The following OTUD7A variants were observed in gnomAD, a reference collection of about 807,000 sequenced individuals.
The protein encoded by OTUD7A is OTU domain-containing protein 7A.
A neutral mutation model predicts 65.7 loss-of-function variants in OTUD7A; 12 were observed. That is an observed-to-expected ratio of 0.18 (90% confidence interval 0.12 to 0.30). OTUD7A has a LOEUF of 0.30. OTUD7A is among the 10% of genes least tolerant of loss of function. The pLI, the probability that OTUD7A is intolerant of heterozygous loss-of-function variation, is 1.00. For synonymous variants in OTUD7A, 641 were observed against 586.3 expected, an observed-to-expected ratio of 1.09 and a Z score of -1.35; for missense variants, 1,148 against 1,304.8, an observed-to-expected ratio of 0.88 and a Z score of 1.85.
In OTUD7A at chr15:31,535,176, G is replaced by A. The variant is rs576999571; in HGVS notation, c.551-4368C>T. ...CCCAAATCTCATCTTGAATTGTAAT[G>A]CCCAGGTGTCAAGGGAAGGACCTGG... On this transcript the variant is annotated intron_variant, in intron 5 of 12. Transcript: ENST00000307050. Among the ~76,000 whole-genome samples, 4 of 152,308 alleles carry A rather than the reference G, an allele frequency of 2.6e-5. No homozygotes were observed. The East Asian group carries it at 7.7e-4, about 29-fold the overall frequency.
In OTUD7A at chr15:31,670,922, G is replaced by A. The variant is rs1198267487; in HGVS notation, c.-99-13845C>T. Among the ~76,000 whole-genome samples, 3 of 152,008 alleles carry A rather than the reference G, an allele frequency of 2.0e-5. No homozygotes were observed. In the East Asian group the frequency reaches 5.8e-4, roughly 29 times the overall value. ...AGACAGGAGAATGGCATGAACCCGG[G>A]AGGCGGAGCTTGCAGTGAGCCGAGA... On this transcript the variant is annotated intron_variant, in intron 1 of 12. Coordinates refer to ENST00000307050, the MANE Select transcript of OTUD7A (RefSeq NM_001382637.1).
intron 1 of OTUD7A, among the ~76,000 whole-genome samples, chr15:31,803,282 G>A (rs1239488393): frequency 6.6e-6 from 1 of 152,076 alleles, no homozygotes; most frequent in African/African-American, 2.4e-5. Flanking sequence ...ACATCTTGCC[G>A]TATCAATCTA....
chr15:31,868,701 C>T (rs1476072380), intron 1 of OTUD7A, among the ~76,000 whole-genome samples: 1 of 152,190 alleles, frequency 6.6e-6, no homozygotes, highest in Non-Finnish European at 1.5e-5. Context: ...CTCCACCAAG[C>T]TTGGGGGCCT....
intron 3 of OTUD7A, among the ~76,000 whole-genome samples, chr15:31,610,117 C>A (rs60697903): frequency 0.032 from 4,799 of 152,282 alleles, 247 homozygotes; most frequent in African/African-American, 0.11. Context: ...AGAAAATCAG[C>A]TCTGCTAATG....
chr15:31,585,410 G>A lies in OTUD7A; in HGVS notation c.152-15213C>T, dbSNP rs141131581. Reference sequence around the variant, plus strand: ...AACAGACAGCTTCTGGCCCAGCTCTGGGGAATCTCATCCTCAGCAGCCCAG... The same window carrying A: ...AACAGACAGCTTCTGGCCCAGCTCTAGGGAATCTCATCCTCAGCAGCCCAG... On this transcript the variant is annotated intron_variant, in intron 3 of 12. Coordinates refer to ENST00000307050, the MANE Select transcript of OTUD7A (RefSeq NM_001382637.1). 2.7e-3 allele frequency among the ~76,000 whole-genome samples: 413 copies of A among 152,354 alleles called. 1 individual carries two copies. Among genetic ancestry groups the A allele is most frequent in the Non-Finnish European group, 4.7e-3 (319 of 68,038 alleles).
At chr15:31,650,153 C>A (rs1891795815) in intron 3 of OTUD7A, among the ~76,000 whole-genome samples, 1 of 94,780 alleles carries the variant, frequency 1.1e-5, no homozygotes, top group South Asian at 3.5e-4. Flanking sequence ...GCCAGGCAAA[C>A]TTCCTTTCCA....
intron 3 of OTUD7A, among the ~76,000 whole-genome samples, chr15:31,574,658 T>C (rs1889152000): frequency 6.6e-6 from 1 of 152,220 alleles, no homozygotes. Context: ...AGTATATTAA[T>C]CATGTTTTTT....
intron 1 of OTUD7A, among the ~76,000 whole-genome samples, chr15:31,728,609 C>T (rs1319122703): frequency 1.3e-5 from 2 of 152,222 alleles, no homozygotes; most frequent in Non-Finnish European, 2.9e-5. Flanking sequence ...CTCTCAGGAT[C>T]GTTCCTCCTT....
intron 5 of OTUD7A, among the ~76,000 whole-genome samples, chr15:31,543,683 C>T (rs1464429653): frequency 1.3e-5 from 2 of 151,920 alleles, no homozygotes; most frequent in African/African-American, 4.8e-5. Context: ...TGTTCAACTG[C>T]TCAATTCATG....
At chr15:31,659,753 C>T (rs1381457911) in intron 1 of OTUD7A, among the ~76,000 whole-genome samples, 2 of 152,188 alleles carry the variant, frequency 1.3e-5, no homozygotes, top group African/African-American at 2.4e-5. Context: ...GCGAGGGCCA[C>T]GGGAAGGGGC....
intron 1 of OTUD7A, among the ~76,000 whole-genome samples, chr15:31,793,383 T>C (rs1266547154): frequency 6.6e-6 from 1 of 152,128 alleles, no homozygotes; most frequent in East Asian, 1.9e-4. Flanking sequence ...GGCTTCCCAC[T>C]GGGCCAGAGG....
intron 4 of OTUD7A, among the ~76,000 whole-genome samples, chr15:31,560,760 G>A (rs1888662605): frequency 6.6e-6 from 1 of 152,154 alleles, no homozygotes; most frequent in Non-Finnish European, 1.5e-5. Flanking sequence ...AGGTCCCAAG[G>A]AATCCCACTG....
At chr15:31,870,191 G>C (rs1048501015) in intron 1 of OTUD7A, among the ~76,000 whole-genome samples, 1 of 149,670 alleles carries the variant, frequency 6.7e-6, no homozygotes, top group African/African-American at 2.4e-5. Context: ...AGCGGAGGCA[G>C]CAGCCCCGAC....
chr15:31,670,765 G>A (rs1892461234), intron 1 of OTUD7A, among the ~76,000 whole-genome samples: 1 of 152,144 alleles, frequency 6.6e-6, no homozygotes, highest in Non-Finnish European at 1.5e-5. Flanking sequence ...GCCGAAGCGG[G>A]CGGATCACGA....
At chr15:31,660,758 G>A (rs1345370471) in intron 1 of OTUD7A, among the ~76,000 whole-genome samples, 1 of 152,218 alleles carries the variant, frequency 6.6e-6, no homozygotes, top group Non-Finnish European at 1.5e-5. Flanking sequence ...GTGGCTATAG[G>A]AATGTCTGTG....
At chr15:31,870,356 C>T (rs1897995376) in intron 1 of OTUD7A, among the ~76,000 whole-genome samples, 151 bp downstream of exon 1, 1 of 146,256 alleles carries the variant, frequency 6.8e-6, no homozygotes, top group African/African-American at 2.5e-5. Flanking sequence ...CGCGCCCCGG[C>T]CCCGCGGTCG....
At chr15:31,575,094 G>A (rs899951479) in intron 3 of OTUD7A, among the ~76,000 whole-genome samples, 5 of 152,158 alleles carry the variant, frequency 3.3e-5, no homozygotes, top group African/African-American at 1.2e-4. Flanking sequence ...GGGGGAAAAG[G>A]AGTCAAACTG....
chr15:31,562,529 G>A (rs1888724536), intron 4 of OTUD7A, among the ~76,000 whole-genome samples: 1 of 152,022 alleles, frequency 6.6e-6, no homozygotes, highest in African/African-American at 2.4e-5. Flanking sequence ...ATCTCCAGAT[G>A]ACCGGCGCCT....
At chr15:31,503,377 G>A (rs2041502462) in intron 9 of OTUD7A, among the ~76,000 whole-genome samples, 1 of 152,236 alleles carries the variant, frequency 6.6e-6, no homozygotes, top group South Asian at 2.1e-4. Flanking sequence ...ACATGGCCCA[G>A]GGCTGTTGGA....
Sources: allele counts gnomAD v4.1 joint callset (sites outside exome capture counted in the v4.1 genomes callset), GRCh38; gene constraint gnomAD v4.1.1; transcripts MANE v1.5; gene names NCBI Gene and HGNC (gene_info 2026-07-23, HGNC 2026-07-21).